The following TMEM255B variants were observed in gnomAD, a reference collection of about 807,000 sequenced individuals.
TMEM255B encodes family with sequence similarity 70, member B.
In TMEM255B, 35 loss-of-function variants were observed where a neutral mutation model predicts 34.5. The ratio of observed to expected loss-of-function variants is 1.01; its 90% CI spans 0.77 to 1.34. The LOEUF (loss-of-function observed/expected upper bound fraction) is 1.34. Ranked by LOEUF, TMEM255B falls within the 40% of genes most tolerant of loss-of-function variation. The pLI is 0.00. For synonymous variants in TMEM255B, 206 were observed against 201.2 expected, an observed-to-expected ratio of 1.02 and a Z score of -0.20; for missense variants, 432 against 433.2, an observed-to-expected ratio of 1.00 and a Z score of 0.02.
chr13:113,765,137 G>A (rs967741312), intron 1 of TMEM255B, among the ~76,000 whole-genome samples: 7 of 152,186 alleles, frequency 4.6e-5, no homozygotes, highest in African/African-American at 9.6e-5. Flanking sequence ...AGGCAGGCAG[G>A]GTGCTGTGCC....
intron 1 of TMEM255B, 124 bp from the exon 2 acceptor site, chr13:113,765,991 G>A: frequency 7.6e-7 from 1 of 1,309,634 alleles, no homozygotes; most frequent in Non-Finnish European, 1.1e-6. Flanking sequence ...AGGTGGGCCT[G>A]GAGGCAGGCG....
intron 3 of TMEM255B, among the ~76,000 whole-genome samples, chr13:113,780,572 CT>C (rs1378785016): frequency 6.6e-6 from 1 of 152,202 alleles, no homozygotes; most frequent in African/African-American, 2.4e-5. Flanking sequence ...AAAATGATCA[CT>C]CCAGTCTCCT....
rs1282716449 is a variant in TMEM255B at position 113,770,629 on chromosome 13, G to A, written c.252+1469G>A. Among the ~76,000 whole-genome samples the A allele has an allele frequency of 6.6e-6, 1 of 152,238 alleles. No individual in the cohort carries two copies. The highest frequency in any genetic ancestry group is 1.9e-4 in the East Asian group (1 of 5,202). On this transcript the variant is annotated intron_variant, in intron 3 of 8. Transcript: ENST00000375353. This position sits in a 1 kb window ranked among gnomAD's most constrained non-coding sequence, Gnocchi z 4.6. ...CGTTCTTGGCTAGCAGTTGCAAAGA[G>A]ACGGAGAGATAGGCCCGGCATTTCC... is the stretch of plus-strand genomic sequence containing the variant.
At chr13:113,784,661 G>A (rs2050714349) in intron 3 of TMEM255B, among the ~76,000 whole-genome samples, 1 of 152,238 alleles carries the variant, frequency 6.6e-6, no homozygotes, top group Admixed American at 6.5e-5. Context: ...AGGATTTTGA[G>A]AGCCCACTGG....
chr13:113,763,374 A>G (rs1216676082), intron 1 of TMEM255B, among the ~76,000 whole-genome samples: 1 of 152,210 alleles, frequency 6.6e-6, no homozygotes, highest in Non-Finnish European at 1.5e-5. Flanking sequence ...AGTTTCACCC[A>G]CGGGAGGTGC....
At chr13:113,803,941 G>A (rs1009422596) in intron 7 of TMEM255B, among the ~76,000 whole-genome samples, 4 of 152,314 alleles carry the variant, frequency 2.6e-5, no homozygotes, top group Admixed American at 2.6e-4. Context: ...GTGTCCCCGG[G>A]TCGTCACCGT....
At chr13:113,782,676 G>GC (rs961888789) in intron 3 of TMEM255B, among the ~76,000 whole-genome samples, 22 of 116,692 alleles carry the variant, frequency 1.9e-4, no homozygotes, top group East Asian at 5.1e-4. Context: ...GATGGTCGGA[G>GC]GGGGGGGCTT....
intron 3 of TMEM255B, among the ~76,000 whole-genome samples, chr13:113,776,148 T>G (rs2050574077): frequency 6.6e-6 from 1 of 152,112 alleles, no homozygotes; most frequent in South Asian, 2.1e-4. Flanking sequence ...CACTCTCTGC[T>G]CAAAGATGCT....
chr13:113,764,987 C>CG (rs2050365678), intron 1 of TMEM255B, among the ~76,000 whole-genome samples: 1 of 152,140 alleles, frequency 6.6e-6, no homozygotes, highest in Admixed American at 6.5e-5. Flanking sequence ...GGGTCCAAGA[C>CG]GGGGGCAGCC....
chr13:113,805,135 T>G, intron 8 of TMEM255B, 107 bp downstream of exon 8: 1 of 1,296,200 alleles, frequency 7.7e-7, no homozygotes, highest in South Asian at 1.7e-5. Flanking sequence ...CCGCCTCACC[T>G]TCTGGATTAG....
intron 3 of TMEM255B, among the ~76,000 whole-genome samples, chr13:113,775,087 TACAC>T (rs1357026826): frequency 1.0e-5 from 1 of 98,846 alleles, no homozygotes; most frequent in Non-Finnish European, 2.0e-5. Context: ...ACACACCACA[TACAC>T]CACACACAGC....
intron 1 of TMEM255B, among the ~76,000 whole-genome samples, chr13:113,760,278 C>T (rs2050280356): frequency 6.6e-6 from 1 of 152,184 alleles, no homozygotes; most frequent in Non-Finnish European, 1.5e-5. Flanking sequence ...CCACTATATG[C>T]CTTCCAATCT....
chr13:113,804,300 C>T (rs552342230), intron 7 of TMEM255B, among the ~76,000 whole-genome samples: 4 of 152,312 alleles, frequency 2.6e-5, no homozygotes, highest in Admixed American at 6.5e-5. Flanking sequence ...TGTTCGCATT[C>T]CCCAGAAACC....
At chr13:113,763,514 T>C (rs1422674024) in intron 1 of TMEM255B, among the ~76,000 whole-genome samples, 1 of 152,156 alleles carries the variant, frequency 6.6e-6, no homozygotes, top group Admixed American at 6.5e-5. Flanking sequence ...ATATAACCTT[T>C]CAGGTTTTTA....
chr13:113,798,508 A>T (rs2050982145), intron 4 of TMEM255B, among the ~76,000 whole-genome samples: 1 of 148,652 alleles, frequency 6.7e-6, no homozygotes, highest in South Asian at 2.2e-4. Context: ...GGATGGATGG[A>T]TGTGGATGAA....
intron 1 of TMEM255B, among the ~76,000 whole-genome samples, chr13:113,765,598 A>G (rs1042476100): frequency 4.6e-5 from 7 of 152,196 alleles, no homozygotes; most frequent in African/African-American, 1.7e-4. Context: ...AAGATGATTC[A>G]GTTTTCAAAA....
At position 113,769,576 on chromosome 13, in the gene TMEM255B, A is replaced by G. The variant is rs116923698; in HGVS notation, c.252+416A>G. The G allele has an allele frequency of 1.2e-3, 217 of 185,306 alleles. 2 individuals carry two copies. In the East Asian group the frequency reaches 0.019, roughly 16 times the overall value. 11.5% of individuals were successfully genotyped at this position (185,306 alleles called of 1,614,324 possible). ...CTTGTTTTTCGTCTGAGTTTGGTTA[A>G]TGTTTATCTTGCCCAGACTAAGAGG... On this transcript the variant is annotated intron_variant, in intron 3 of 8. Coordinates refer to ENST00000375353, the MANE Select transcript of TMEM255B (RefSeq NM_182614.4). The surrounding 1 kb of genome is among the most constrained non-coding windows in gnomAD (Gnocchi z 4.2).
chr13:113,799,694 T>C (rs967888509), intron 5 of TMEM255B: 1 of 688,014 alleles, frequency 1.5e-6, no homozygotes, highest in African/African-American at 1.8e-5. Context: ...GCTCTTCCAA[T>C]TAGCATTTTT....
intron 3 of TMEM255B, among the ~76,000 whole-genome samples, chr13:113,790,399 C>T (rs1435889169): frequency 8.2e-5 from 8 of 97,664 alleles, no homozygotes; most frequent in South Asian, 5.3e-4. Flanking sequence ...GTGGACTGAC[C>T]GGACACGTGG....
Sources: gnomAD v4.1 joint callset for allele counts (sites outside exome capture counted in the v4.1 genomes callset) on GRCh38, gnomAD v4.1.1 for gene constraint, Gnocchi (gnomAD v3.1) non-coding constraint, MANE v1.5 for transcripts, NCBI Gene and HGNC (gene_info 2026-07-23, HGNC 2026-07-21) for gene names.